The following SEMA6D variants were observed in gnomAD, a reference collection of about 807,000 sequenced individuals.
SEMA6D encodes semaphorin 6D, also known as semaphorin-6D.
Under a neutral mutation model 106.6 loss-of-function variants are expected in SEMA6D, and 35 were observed. The ratio of observed to expected loss-of-function variants is 0.33; its 90% CI spans 0.25 to 0.44. The LOEUF (loss-of-function observed/expected upper bound fraction) is 0.44, where lower values mean the gene tolerates loss of function less well. SEMA6D is among the 20% of genes least tolerant of loss of function. SEMA6D has a pLI of 1.00. For missense variants in SEMA6D, 1,185 were observed against 1,345.9 expected, an observed-to-expected ratio of 0.88 and a Z score of 1.87; for synonymous variants, 499 against 487.7, an observed-to-expected ratio of 1.02 and a Z score of -0.31.
chr15:47,274,392 T>A (rs1212729030), intron 1 of SEMA6D: 1 of 152,106 alleles, frequency 6.6e-6, no homozygotes, highest in East Asian at 1.9e-4. Flanking sequence ...AGAAATGAAA[T>A]TTTGGTTCAC....
upstream of SEMA6D, among the ~76,000 whole-genome samples, chr15:47,713,953 G>A (rs2079065262): frequency 6.6e-6 from 1 of 152,128 alleles, no homozygotes; most frequent in Non-Finnish European, 1.5e-5. Flanking sequence ...ATCTATAAAA[G>A]CATTGTTTAA....
In SEMA6D at chr15:47,762,867, A is replaced by G. The variant is rs577758422; in HGVS notation, c.659-149A>G. On this transcript the variant is annotated intron_variant, in intron 8 of 18. Transcript: ENST00000536845. The stretch of plus-strand genomic sequence containing the variant: ...TTCCCTGAAGCTTGAACACACCCAT[A>G]TTGGGACTCCTCAAAGTCATTGGCA... The G allele has an allele frequency of 1.3e-4, 79 of 589,338 alleles. No individual in the cohort carries two copies. In the Middle Eastern group the frequency reaches 2.4e-3, roughly 18 times the overall value. 36.5% of individuals were successfully genotyped at this position (589,338 alleles called of 1,614,324 possible). A position where few individuals can be genotyped will look rare whatever the true frequency, so the allele number is the denominator to read the frequency against.
At chr15:47,399,725 A>G (rs1567052895) in intron 1 of SEMA6D, among the ~76,000 whole-genome samples, 1 of 152,198 alleles carries the variant, frequency 6.6e-6, no homozygotes, top group Non-Finnish European at 1.5e-5. Context: ...GGACTAAAGG[A>G]CAGAAACAAA....
intron 2 of SEMA6D, among the ~76,000 whole-genome samples, chr15:47,420,112 A>G (rs1326906590): frequency 6.6e-6 from 1 of 152,136 alleles, no homozygotes; most frequent in Non-Finnish European, 1.5e-5. Flanking sequence ...CTCAGAACAC[A>G]CAGATACCCT....
chr15:47,499,099 T>C (rs1289021889), intron 3 of SEMA6D, among the ~76,000 whole-genome samples: 2 of 152,194 alleles, frequency 1.3e-5, no homozygotes, highest in African/African-American at 4.8e-5. Flanking sequence ...ATTTAGCCCT[T>C]AAATGATTTC....
intron 1 of SEMA6D, chr15:47,730,088 A>G (rs960143711): frequency 1.9e-5 from 15 of 789,142 alleles, no homozygotes; most frequent in Admixed American, 4.8e-5. Context: ...GTTTTGAAGG[A>G]AAATTTATAT....
At chr15:47,243,054 T>C (rs1160189973) in intron 1 of SEMA6D, among the ~76,000 whole-genome samples, 2 of 152,126 alleles carry the variant, frequency 1.3e-5, no homozygotes, top group African/African-American at 4.8e-5. Flanking sequence ...ATCACTTATA[T>C]ATATTCACAA....
intron 1 of SEMA6D, among the ~76,000 whole-genome samples, chr15:47,349,927 C>T (rs2144760598): frequency 6.6e-6 from 1 of 152,298 alleles, no homozygotes. Context: ...ACAGCAACAA[C>T]ACAACAACAG....
rs142070989 is a variant in SEMA6D at position 47,333,465 on chromosome 15, C to T, written c.-238-78928C>T. Among the ~76,000 whole-genome samples, 111 of 152,146 alleles carry T rather than the reference C, an allele frequency of 7.3e-4. No homozygotes were observed. In the East Asian group the frequency reaches 0.019, roughly 26 times the overall value. On this transcript the variant is annotated intron_variant, in intron 1 of 19. Coordinates refer to the SEMA6D transcript ENST00000558014. ...AGATCAAAAGGCCATACAAAACACC[C>T]CACTGTCCATTTTGTAAGGGCTTAT... is the stretch of plus-strand genomic sequence containing the variant.
intron 1 of SEMA6D, among the ~76,000 whole-genome samples, chr15:47,261,019 TATC>T (rs2034050312): frequency 6.6e-6 from 1 of 152,164 alleles, no homozygotes. Flanking sequence ...TTTACCTTCT[TATC>T]ATTTTTTAGA....
chr15:47,444,959 C>T (rs531702863), intron 2 of SEMA6D, among the ~76,000 whole-genome samples: 9 of 152,132 alleles, frequency 5.9e-5, no homozygotes, highest in Admixed American at 2.0e-4. Context: ...TTTTACTGAG[C>T]GGTGGAGGCA....
chr15:47,412,706 A>G (rs2040837670), intron 2 of SEMA6D, among the ~76,000 whole-genome samples: 1 of 152,206 alleles, frequency 6.6e-6, no homozygotes, highest in South Asian at 2.1e-4. Context: ...AAGTGTCTGC[A>G]TCATTGGACT....
chr15:47,770,148 G>A (rs2082551717), intron 18 of SEMA6D, among the ~76,000 whole-genome samples: 1 of 152,148 alleles, frequency 6.6e-6, no homozygotes, highest in South Asian at 2.1e-4. Flanking sequence ...AAACATATGA[G>A]TTTAAAGTTA....
intron 4 of SEMA6D, among the ~76,000 whole-genome samples, chr15:47,674,160 A>G (rs955262591): frequency 3.3e-5 from 5 of 152,180 alleles, no homozygotes; most frequent in East Asian, 3.9e-4. Flanking sequence ...TCTGAGCCCA[A>G]TTAAAATGAA....
intron 3 of SEMA6D, among the ~76,000 whole-genome samples, chr15:47,555,186 G>C (rs1195262951): frequency 2.0e-5 from 3 of 152,154 alleles, no homozygotes; most frequent in African/African-American, 7.2e-5. Context: ...TAGTCTAAGG[G>C]AGGTAAGATA....
intron 2 of SEMA6D, 93 bp downstream of exon 2, chr15:47,760,000 AT>A: frequency 1.1e-6 from 1 of 950,386 alleles, no homozygotes; most frequent in Non-Finnish European, 1.7e-6. Flanking sequence ...AGAGGCAGAG[AT>A]TTTTTATGTC....
intron 1 of SEMA6D, among the ~76,000 whole-genome samples, chr15:47,379,612 G>A (rs2145586105): frequency 1.3e-5 from 2 of 152,312 alleles, no homozygotes; most frequent in South Asian, 4.1e-4. Context: ...AATCAGAGAA[G>A]TCTTCCTGGA....
intron 2 of SEMA6D, among the ~76,000 whole-genome samples, chr15:47,430,586 A>C (rs2041490686): frequency 6.6e-6 from 1 of 152,084 alleles, no homozygotes; most frequent in African/African-American, 2.4e-5. Flanking sequence ...CAGTGTCTGC[A>C]CCTGGAAATA....
At chr15:47,435,679 G>T (rs1273533674) in intron 2 of SEMA6D, among the ~76,000 whole-genome samples, 1 of 151,982 alleles carries the variant, frequency 6.6e-6, no homozygotes, top group Non-Finnish European at 1.5e-5. Context: ...ACTGAGTTAA[G>T]TTTACCCTTT....
Sources: gnomAD v4.1 joint callset for allele counts (sites outside exome capture counted in the v4.1 genomes callset) on GRCh38, gnomAD v4.1.1 for gene constraint, MANE v1.5 for transcripts, NCBI Gene and HGNC (gene_info 2026-07-23, HGNC 2026-07-21) for gene names.